Variants in SLC17A1 observed in about 807,000 individuals in gnomAD.
SLC17A1 encodes the protein solute carrier family 17 member 1, also known as sodium-dependent phosphate transport protein 1.
A neutral mutation model predicts 53.5 loss-of-function variants in SLC17A1; 51 were observed. That is an observed-to-expected ratio of 0.95 (90% CI 0.76 to 1.20). SLC17A1 has a LOEUF of 1.20. Ranked by LOEUF, SLC17A1 falls within the 50% of genes most tolerant of loss-of-function variation. The pLI, the probability that SLC17A1 is intolerant of heterozygous loss-of-function variation, is 0.00. For missense variants in SLC17A1, 538 were observed against 568.2 expected, an observed-to-expected ratio of 0.95 and a Z score of 0.54; for synonymous variants, 179 against 198.8, an observed-to-expected ratio of 0.90 and a Z score of 0.84.
At chr6:25,764,795 A>G in the SLC17A1 span, among the ~76,000 whole-genome samples, 1 of 152,210 alleles carries the variant, frequency 6.6e-6, no homozygotes, top group African/African-American at 2.4e-5. Context: ...CTCACGCTTC[A>G]CTGGCCTTTC....
chr6:25,764,988 C>G, the SLC17A1 span, among the ~76,000 whole-genome samples: 2 of 152,126 alleles, frequency 1.3e-5, no homozygotes, highest in Non-Finnish European at 2.9e-5. Flanking sequence ...CTCCTCCTCC[C>G]CACCCCTGCC....
the SLC17A1 span, among the ~76,000 whole-genome samples, chr6:25,736,630 A>G: frequency 5.3e-5 from 8 of 152,176 alleles, no homozygotes; most frequent in African/African-American, 1.9e-4. Context: ...TCATTAACCC[A>G]TTCCTTCCTT....
chr6:25,731,146 T>C, the SLC17A1 span, among the ~76,000 whole-genome samples: 8 of 152,196 alleles, frequency 5.3e-5, 1 homozygote, highest in Admixed American at 3.9e-4. Context: ...AGCAGTTTAC[T>C]GGAGTTCACA....
At chr6:25,746,089 T>C in the SLC17A1 span, among the ~76,000 whole-genome samples, 1 of 152,238 alleles carries the variant, frequency 6.6e-6, no homozygotes, top group Admixed American at 6.5e-5. Flanking sequence ...TCTAGTGAAC[T>C]TAAATGTTTA....
the SLC17A1 span, among the ~76,000 whole-genome samples, chr6:25,759,546 G>A: frequency 1.3e-5 from 2 of 152,144 alleles, no homozygotes; most frequent in African/African-American, 4.8e-5. Context: ...GCTATATAAT[G>A]TCTCTCTTTA....
At chr6:25,736,743 C>T in the SLC17A1 span, among the ~76,000 whole-genome samples, 1 of 152,312 alleles carries the variant, frequency 6.6e-6, no homozygotes, top group Admixed American at 6.5e-5. Flanking sequence ...TTTATCAGAA[C>T]TGGACCATAT....
At chr6:25,760,116 T>C in the SLC17A1 span, among the ~76,000 whole-genome samples, 45,378 of 152,048 alleles carry the variant, frequency 0.3, 7,745 homozygotes, top group East Asian at 0.74. Flanking sequence ...TGATCATAGT[T>C]TTTTAAAATG....
At position 25,819,415 on chromosome 6, in the gene SLC17A1, G is replaced by T; in HGVS notation, c.529+96C>A. The T allele has an allele frequency of 2.9e-6, 3 of 1,030,162 alleles. No individual in the cohort carries two copies. In the South Asian group the frequency reaches 4.3e-5, roughly 15 times the overall value. 63.8% of individuals were successfully genotyped at this position (1,030,162 alleles called of 1,614,324 possible). On this transcript the variant is annotated intron_variant, in intron 5 of 12. Coordinates refer to ENST00000244527, the MANE Select transcript of SLC17A1 (RefSeq NM_005074.5). ...GAAACAGATGATTTCCAAAGCCCTT[G>T]ACCATTCAAAACACACATTTCTTAT...
intron 10 of SLC17A1, among the ~76,000 whole-genome samples, chr6:25,806,916 TAAGAA>T (rs1180188697): frequency 6.6e-6 from 1 of 151,840 alleles, no homozygotes; most frequent in Non-Finnish European, 1.5e-5. Context: ...CCAATAAACA[TAAGAA>T]AAAATGCTCA....
At chr6:25,826,692 A>T (rs1360407105) in intron 2 of SLC17A1, 59 bp from the exon 3 acceptor site, 1 of 1,328,666 alleles carries the variant, frequency 7.5e-7, no homozygotes, top group Non-Finnish European at 1.0e-6. Flanking sequence ...AACATACTTT[A>T]ACTATAGGAG....
downstream of SLC17A1, among the ~76,000 whole-genome samples, chr6:25,781,390 C>T (rs1455232114): frequency 6.6e-6 from 1 of 152,022 alleles, no homozygotes; most frequent in Non-Finnish European, 1.5e-5. Flanking sequence ...GTTACCAATG[C>T]CAAATTTGCA....
At chr6:25,788,670 A>AGGCTGCCTT (rs1554128256) in intron 12 of SLC17A1, among the ~76,000 whole-genome samples, 5 of 151,832 alleles carry the variant, frequency 3.3e-5, no homozygotes, top group African/African-American at 1.2e-4. Flanking sequence ...GAGATGAGGA[A>AGGCTGCCTT]GGTCCAGGAG....
At chr6:25,787,590 C>A (rs1763411934) in intron 12 of SLC17A1, among the ~76,000 whole-genome samples, 1 of 152,206 alleles carries the variant, frequency 6.6e-6, no homozygotes, top group South Asian at 2.1e-4. Context: ...TTGTTGCCTG[C>A]TGCCTCAAAA....
chr6:25,727,159 A>G, the SLC17A1 span: 1 of 1,614,192 alleles, frequency 6.2e-7, no homozygotes, highest in Non-Finnish European at 8.5e-7. Flanking sequence ...CGTTTGGCTC[A>G]CTACAGCAAG....
At chr6:25,825,782 C>G (rs773171673) in intron 3 of SLC17A1, among the ~76,000 whole-genome samples, 77 of 151,978 alleles carry the variant, frequency 5.1e-4, no homozygotes, top group Non-Finnish European at 4.6e-4. Flanking sequence ...GCACATGTTA[C>G]ACCATTTGAT....
At chr6:25,726,367 G>A in the SLC17A1 span, 4 of 1,614,152 alleles carry the variant, frequency 2.5e-6, no homozygotes, top group Non-Finnish European at 3.4e-6. Flanking sequence ...CTCTAACACT[G>A]CCGCCAAATA....
the SLC17A1 span, among the ~76,000 whole-genome samples, chr6:25,725,143 T>C: frequency 6.6e-6 from 1 of 152,134 alleles, no homozygotes; most frequent in East Asian, 1.9e-4. Context: ...CAGCACAAAC[T>C]GCAAACACAG....
the SLC17A1 span, chr6:25,776,584 C>T: frequency 6.3e-7 from 1 of 1,592,182 alleles, no homozygotes; most frequent in Non-Finnish European, 8.6e-7. Flanking sequence ...GACCTAGTCT[C>T]TGGTCCTCAG....
the SLC17A1 span, among the ~76,000 whole-genome samples, chr6:25,757,551 GC>G: frequency 3.9e-5 from 6 of 151,926 alleles, no homozygotes; most frequent in African/African-American, 1.5e-4. Flanking sequence ...TCTTTCCCCT[GC>G]CCCCCAACCC....
Sources: allele counts gnomAD v4.1 joint callset (sites outside exome capture counted in the v4.1 genomes callset), GRCh38; gene constraint gnomAD v4.1.1; transcripts MANE v1.5; gene names NCBI Gene and HGNC (gene_info 2026-07-23, HGNC 2026-07-21).